The following PLEKHG1 variants were observed in gnomAD, a reference collection of about 807,000 sequenced individuals.
PLEKHG1 encodes the protein pleckstrin homology and RhoGEF domain containing G1, also known as pleckstrin homology domain-containing family G member 1.
Under a neutral mutation model 100.8 loss-of-function variants are expected in PLEKHG1, and 44 were observed. The ratio of observed to expected loss-of-function variants is 0.44; its 90% confidence interval spans 0.34 to 0.56. The LOEUF (loss-of-function observed/expected upper bound fraction) is 0.56, where lower values mean the gene tolerates loss of function less well. Among genes scored for constraint, PLEKHG1 ranks in the 20% least tolerant of loss-of-function variants. The probability of loss-of-function intolerance (pLI) is 0.01; values close to 1 mark genes in which losing one functional copy is unlikely to be tolerated. For missense variants in PLEKHG1, 1,545 were observed against 1,720.9 expected (o/e 0.90, Z 1.81); for synonymous variants, 640 against 662.5 (o/e 0.97, Z 0.52).
intron 2 of PLEKHG1, among the ~76,000 whole-genome samples, chr6:150,760,025 G>T (rs916911108): frequency 2.0e-5 from 3 of 152,052 alleles, no homozygotes; most frequent in African/African-American, 7.2e-5. Flanking sequence ...AACCAATAAT[G>T]ATGATAAATA....
At chr6:150,645,336 C>T (rs1165496521) in intron 2 of PLEKHG1, among the ~76,000 whole-genome samples, 7 of 152,130 alleles carry the variant, frequency 4.6e-5, no homozygotes, top group African/African-American at 1.7e-4. Flanking sequence ...CGAGGACTTA[C>T]ATGTGAAATT....
intron 2 of PLEKHG1, among the ~76,000 whole-genome samples, chr6:150,738,796 G>C (rs1426215662): frequency 6.6e-6 from 1 of 152,154 alleles, no homozygotes; most frequent in Non-Finnish European, 1.5e-5. Flanking sequence ...GATCTTGACT[G>C]TGAACCGTAG....
intron 1 of PLEKHG1, among the ~76,000 whole-genome samples, chr6:150,613,649 G>GGCTT (rs1776942918): frequency 6.6e-6 from 1 of 152,148 alleles, no homozygotes; most frequent in African/African-American, 2.4e-5. Context: ...CTTCTGAAGA[G>GGCTT]GCTTCCATAG....
At chr6:150,812,665 A>G (rs1257412474) in intron 10 of PLEKHG1, among the ~76,000 whole-genome samples, 1 of 152,226 alleles carries the variant, frequency 6.6e-6, no homozygotes, top group Non-Finnish European at 1.5e-5. Flanking sequence ...AGAGAAAGGC[A>G]AGAGCAAAGC....
At chr6:150,742,422 G>A (rs1035997977) in intron 2 of PLEKHG1, among the ~76,000 whole-genome samples, 2 of 152,040 alleles carry the variant, frequency 1.3e-5, no homozygotes, top group Non-Finnish European at 2.9e-5. Context: ...AAAATTAGCC[G>A]AGTGTGGTGG....
At chr6:150,707,050 G>A (rs1781052734) in intron 3 of PLEKHG1, among the ~76,000 whole-genome samples, 1 of 136,014 alleles carries the variant, frequency 7.4e-6, no homozygotes, top group Admixed American at 8.6e-5. Context: ...GTCACCCAGG[G>A]CTGGAGTGCA....
chr6:150,706,633 A>G (rs538078820), intron 3 of PLEKHG1, among the ~76,000 whole-genome samples: 1 of 151,472 alleles, frequency 6.6e-6, no homozygotes, highest in Non-Finnish European at 1.5e-5. Context: ...AAAATCAAAA[A>G]CAAAAACAAA....
intron 2 of PLEKHG1, among the ~76,000 whole-genome samples, chr6:150,745,092 AT>A (rs1187166967): frequency 6.6e-6 from 1 of 152,196 alleles, no homozygotes; most frequent in Non-Finnish European, 1.5e-5. Context: ...TGATTTTACC[AT>A]TATACAGGCA....
rs527679872 is a variant in PLEKHG1, at chr6:150,682,164, G to C, written c.-99+31378G>C. 1.2e-4 allele frequency among the ~76,000 whole-genome samples: 19 copies of C among 152,192 alleles called. 1 individual carries two copies. The South Asian group carries it at 3.9e-3, about 32-fold the overall frequency. ...GGTGAGGCCTGAGCCTGCATGTCTG[G>C]GCCTTGTGCTGGCAGGCCCAGCGAC... On this transcript the variant is annotated intron_variant, in intron 3 of 3. Coordinates refer to the PLEKHG1 transcript ENST00000367326.
At chr6:150,795,592 C>T (rs1031287685) in intron 4 of PLEKHG1, among the ~76,000 whole-genome samples, 1 of 151,482 alleles carries the variant, frequency 6.6e-6, no homozygotes, top group African/African-American at 2.4e-5. Flanking sequence ...CATGGTGGCG[C>T]ATTCCTGTAA....
intron 3 of PLEKHG1, among the ~76,000 whole-genome samples, chr6:150,682,178 A>C (rs530247880): frequency 6.6e-6 from 1 of 152,128 alleles, no homozygotes; most frequent in South Asian, 2.1e-4. Context: ...TTGTGCTGGC[A>C]GGCCCAGCGA....
Position 150,840,744 on chromosome 6 carries a change from A to G in PLEKHG1, c.4006A>G (p.Ser1336Gly), listed in dbSNP as rs769828023. 24 of 1,614,118 alleles carry G rather than the reference A, an allele frequency of 1.5e-5. No individual in the cohort carries two copies. The highest frequency in any genetic ancestry group is 2.2e-5 in the East Asian group (1 of 44,904). ...GCGCACTCCAAAAAAGCCGGTTAACAGCAAACTTGGCCTTTCACCATATCT... is the reference window on the plus strand; with the variant it reads ...GCGCACTCCAAAAAAGCCGGTTAACGGCAAACTTGGCCTTTCACCATATCT... The change falls in exon 16 of 16, where the codon AGC becomes GGC. Residue 1336 changes from serine to glycine, a missense_variant. Coordinates refer to ENST00000358517, the Ensembl canonical transcript of PLEKHG1.
At chr6:150,698,023 G>A (rs1239535644) in intron 3 of PLEKHG1, among the ~76,000 whole-genome samples, 1 of 152,018 alleles carries the variant, frequency 6.6e-6, no homozygotes, top group East Asian at 1.9e-4. Flanking sequence ...AAGTAGATCA[G>A]TTGTAAAGTA....
At chr6:150,734,186 T>A in intron 2 of PLEKHG1, 94 bp downstream of exon 3, 1 of 1,243,378 alleles carries the variant, frequency 8.0e-7, no homozygotes, top group South Asian at 1.4e-5. Context: ...GGATGTCTTC[T>A]AAGAGGCGGA....
intron 3 of PLEKHG1, among the ~76,000 whole-genome samples, chr6:150,710,943 C>T (rs1311902685): frequency 2.6e-5 from 4 of 152,136 alleles, no homozygotes; most frequent in African/African-American, 7.2e-5. Context: ...CCAGTGTGCA[C>T]GTCACACAGT....
intron 3 of PLEKHG1, among the ~76,000 whole-genome samples, chr6:150,690,177 C>T (rs1780294608): frequency 6.6e-6 from 1 of 152,104 alleles, no homozygotes; most frequent in Admixed American, 6.6e-5. Flanking sequence ...GTTCTTTAAA[C>T]TCATAACTGT....
intron 1 of PLEKHG1, among the ~76,000 whole-genome samples, chr6:150,637,028 G>A (rs1372293655): frequency 6.6e-6 from 1 of 152,124 alleles, no homozygotes; most frequent in Non-Finnish European, 1.5e-5. Context: ...TCCCATATGC[G>A]GGAACCCCCT....
intron 4 of PLEKHG1, among the ~76,000 whole-genome samples, chr6:150,792,161 A>G (rs956457520): frequency 6.6e-6 from 1 of 152,158 alleles, no homozygotes; most frequent in Non-Finnish European, 1.5e-5. Flanking sequence ...ACCACTTCCT[A>G]TCCTGGCCAA....
intron 1 of PLEKHG1, among the ~76,000 whole-genome samples, chr6:150,610,094 CTCTTTCCT>C (rs992290620): frequency 4.6e-5 from 7 of 151,966 alleles, no homozygotes; most frequent in Non-Finnish European, 7.4e-5. Flanking sequence ...TCTATTTTAG[CTCTTTCCT>C]TCTTTCCTTC....
Sources: gnomAD v4.1 joint callset for allele counts (sites outside exome capture counted in the v4.1 genomes callset) on GRCh38, gnomAD v4.1.1 for gene constraint, MANE v1.5 for transcripts, NCBI Gene and HGNC (gene_info 2026-07-23, HGNC 2026-07-21) for gene names.